The following TRIP11 variants were observed in gnomAD, a reference collection of about 807,000 sequenced individuals.
TRIP11 encodes thyroid hormone receptor interactor 11.
Under a neutral mutation model 223.1 loss-of-function variants are expected in TRIP11, and 148 were observed. The ratio of observed to expected loss-of-function variants is 0.66; its 90% CI spans 0.58 to 0.76. TRIP11 has a LOEUF of 0.76. TRIP11 is among the 30% of genes least tolerant of loss of function. TRIP11 has a pLI of 0.00. For missense variants in TRIP11, 2,043 were observed against 2,222.0 expected (o/e 0.92, Z 1.62); for synonymous variants, 762 against 772.6 (o/e 0.99, Z 0.23).
chr14:92,002,974 C>T (rs2056846543), intron 11 of TRIP11, among the ~76,000 whole-genome samples: 1 of 151,896 alleles, frequency 6.6e-6, no homozygotes, highest in South Asian at 2.1e-4. Flanking sequence ...CACACACATA[C>T]ATACTCTTAC....
intron 11 of TRIP11, among the ~76,000 whole-genome samples, chr14:92,000,495 A>G (rs2056810033): frequency 1.3e-5 from 2 of 152,238 alleles, no homozygotes; most frequent in African/African-American, 4.8e-5. Context: ...CAAATACCTC[A>G]TAACAATGTA....
intron 11 of TRIP11, among the ~76,000 whole-genome samples, chr14:92,000,359 A>G (rs2056808550): frequency 1.3e-5 from 2 of 152,212 alleles, no homozygotes; most frequent in South Asian, 4.1e-4. Context: ...CATGACATCT[A>G]AATATAATGA....
intron 8 of TRIP11, 112 bp downstream of exon 8, chr14:92,011,643 A>C: frequency 1.2e-6 from 1 of 847,748 alleles, no homozygotes; most frequent in Non-Finnish European, 1.8e-6. Flanking sequence ...AATTATTAGA[A>C]AAAGAAACAA....
At chr14:92,024,822 T>C (rs1276590982) in intron 3 of TRIP11, among the ~76,000 whole-genome samples, 2 of 152,158 alleles carry the variant, frequency 1.3e-5, no homozygotes, top group East Asian at 1.9e-4. Context: ...CAGAGTAACA[T>C]TAAATTATAT....
rs374551203 is a variant in TRIP11 at position 92,004,080 on chromosome 14, C to T, written c.3896G>A (p.Cys1299Tyr). Residue 1299 changes from cysteine to tyrosine, a missense_variant, in exon 11 of 21, where the codon TGC (cysteine) becomes TAC (tyrosine). Cys to Tyr is a radical substitution (Grantham distance 194). Transcript: ENST00000267622. The stretch of plus-strand genomic sequence containing the variant: ...TCCTAAAAGAAGATCCTTGGTATTG[C>T]AAAGCTGCCCAATGCTGTGCTGAAC... ...AQVQHSIGQLCNTKDLLLGKL... is the reference protein window; with the variant it reads ...AQVQHSIGQLYNTKDLLLGKL... The T allele has an allele frequency of 1.2e-4, 199 of 1,614,082 alleles. No homozygotes were observed. Among genetic ancestry groups the T allele is most frequent in the Non-Finnish European group, 1.6e-4 (194 of 1,180,042 alleles).
chr14:92,025,246 C>T, intron 3 of TRIP11, 64 bp downstream of exon 3: 1 of 1,240,596 alleles, frequency 8.1e-7, no homozygotes, highest in Non-Finnish European at 1.2e-6. Context: ...TATATTCTAA[C>T]TCTAAAAACA....
intron 11 of TRIP11, among the ~76,000 whole-genome samples, chr14:92,000,688 A>T (rs1404111027): frequency 6.6e-6 from 1 of 152,192 alleles, no homozygotes; most frequent in East Asian, 1.9e-4. Context: ...AAATCAACAA[A>T]AAGTGTACGT....
chr14:92,033,878 C>T (rs1397887093), intron 1 of TRIP11, among the ~76,000 whole-genome samples: 1 of 152,120 alleles, frequency 6.6e-6, no homozygotes, highest in Non-Finnish European at 1.5e-5. Flanking sequence ...TCTAGAGCTG[C>T]AGGCATACCC....
intron 8 of TRIP11, among the ~76,000 whole-genome samples, chr14:92,011,307 C>T (rs955937801): frequency 1.3e-5 from 2 of 151,636 alleles, no homozygotes; most frequent in African/African-American, 4.8e-5. Context: ...CTGGCTAACA[C>T]AGTGAAACCC....
At position 92,014,521 on chromosome 14, in the gene TRIP11, T is replaced by A. The variant is rs547123253; in HGVS notation, c.880A>T (p.Ile294Phe). 6.3e-7 allele frequency: 1 copy of A among 1,599,954 alleles called. No individual in the cohort carries two copies. The highest frequency in any genetic ancestry group is 1.1e-5 in the South Asian group (1 of 87,278). ...ACTTTTTCTATTTGTAGAACTTGAA[T>A]AGTTTTTTGCATCTCATAGATTTTA... The part of the protein sequence containing the change: ...LSKIYEMQKT[I>F]QVLQIEKVES... Residue 294 changes from isoleucine (I) to phenylalanine (F), a missense_variant, in exon 7 of 21, where the codon ATT becomes TTT. Physicochemically the swap from Ile to Phe is conservative, Grantham distance 21 (BLOSUM62 0). Coordinates refer to ENST00000267622, the MANE Select transcript of TRIP11 (RefSeq NM_004239.4).
chr14:92,013,842 T>C (rs575913600), intron 7 of TRIP11, among the ~76,000 whole-genome samples: 6 of 152,324 alleles, frequency 3.9e-5, no homozygotes, highest in African/African-American at 1.4e-4. Context: ...CTAAATATCA[T>C]CATGAGCATA....
chr14:92,033,926 G>A (rs2057296008), intron 1 of TRIP11, among the ~76,000 whole-genome samples: 1 of 152,146 alleles, frequency 6.6e-6, no homozygotes, highest in Admixed American at 6.6e-5. Context: ...TAGTGCACCT[G>A]AAGGGAAAGG....
chr14:92,029,618 T>A (rs547153597), intron 2 of TRIP11, among the ~76,000 whole-genome samples: 1 of 149,250 alleles, frequency 6.7e-6, no homozygotes, highest in African/African-American at 2.5e-5. Flanking sequence ...CTGGCCTATA[T>A]CATCTTTTTA....
At chr14:92,007,540 A>G (rs1470673745) in intron 10 of TRIP11, 100 bp downstream of exon 10, 2 of 1,340,450 alleles carry the variant, frequency 1.5e-6, no homozygotes, top group African/African-American at 1.4e-5. Flanking sequence ...AGGTTTGTCA[A>G]TCTCTATGAA....
rs1444657577 is a variant in TRIP11 at position 92,005,155 on chromosome 14, C to A, written c.2821G>T (p.Asp941Tyr). The A allele has an allele frequency of 1.2e-6, 2 of 1,613,680 alleles. No homozygotes were observed. The highest frequency in any genetic ancestry group is 1.7e-6 in the Non-Finnish European group (2 of 1,180,020). ...QSLQEQKKEM[D>Y]EFRYQHEQMN... ...TGCTCATGCTGGTATCTAAACTCATCCATTTCCTTCTTTTGCTCTTGTAAA... is the reference window on the plus strand; with the variant it reads ...TGCTCATGCTGGTATCTAAACTCATACATTTCCTTCTTTTGCTCTTGTAAA... Residue 941 changes from aspartate (D) to tyrosine (Y), a missense_variant, in exon 11 of 21, where the codon GAT (aspartate) becomes TAT (tyrosine). By Grantham distance (160) the Asp-to-Tyr change is radical (BLOSUM62 -3). Coordinates refer to ENST00000267622, the MANE Select transcript of TRIP11 (RefSeq NM_004239.4).
At position 91,995,411 on chromosome 14, in the gene TRIP11, A is replaced by T. The variant is rs747013824; in HGVS notation, c.4997T>A (p.Val1666Glu). ...GGCCAGTGACAGAGCATACTGCTTT[A>T]CTTGTTCCTGAGAGACAGAAAGCTG... ...ALQLSVSQEQVKQYALSLANL... is the reference protein window; with the variant it reads ...ALQLSVSQEQEKQYALSLANL... Residue 1666 changes from valine to glutamate, a missense_variant, in exon 14 of 21, where the codon GTA becomes GAA. Transcript: ENST00000267622. 2 of 1,614,098 alleles carry T rather than the reference A, an allele frequency of 1.2e-6. No homozygotes were observed. Among genetic ancestry groups the T allele is most frequent in the Non-Finnish European group, 1.7e-6 (2 of 1,180,024 alleles).
intron 3 of TRIP11, 23 bp downstream of exon 3, chr14:92,025,287 G>A: frequency 6.6e-7 from 1 of 1,524,506 alleles, no homozygotes; most frequent in Non-Finnish European, 9.1e-7. Flanking sequence ...AAGTACATAT[G>A]AAGTAACTGT....
intron 11 of TRIP11, among the ~76,000 whole-genome samples, chr14:92,000,505 A>C (rs1200780157): frequency 1.3e-5 from 2 of 152,236 alleles, no homozygotes; most frequent in Admixed American, 1.3e-4. Context: ...ATAACAATGT[A>C]AGATGTTAAC....
chr14:92,000,176 C>A (rs2056806188), intron 11 of TRIP11, 68 bp from the exon 12 acceptor site: 1 of 1,600,616 alleles, frequency 6.2e-7, no homozygotes, highest in Non-Finnish European at 8.5e-7. Flanking sequence ...GAGACATTTT[C>A]TTCACTCAAT....
Sources: allele counts gnomAD v4.1 joint callset (sites outside exome capture counted in the v4.1 genomes callset), GRCh38; gene constraint gnomAD v4.1.1; transcripts MANE v1.5; gene names NCBI Gene and HGNC (gene_info 2026-07-23, HGNC 2026-07-21).